TECRL: variants seen among roughly 807,000 people sequenced by gnomAD.
The protein encoded by TECRL is trans-2,3-enoyl-CoA reductase like, also known as trans-2,3-enoyl-CoA reductase-like.
Under a neutral mutation model 52.8 loss-of-function variants are expected in TECRL, and 63 were observed. The ratio of observed to expected loss-of-function variants is 1.19; its 90% CI spans 0.97 to 1.47. The LOEUF is 1.47. TECRL is among the 40% of genes most tolerant of loss of function. The pLI, the probability that TECRL is intolerant of heterozygous loss-of-function variation, is 0.00. For missense variants in TECRL, 482 were observed against 429.6 expected, an observed-to-expected ratio of 1.12 and a Z score of -1.08; for synonymous variants, 164 against 141.9, an observed-to-expected ratio of 1.16 and a Z score of -1.10.
intron 2 of TECRL, among the ~76,000 whole-genome samples, chr4:64,344,574 T>G (rs1719816867): frequency 1.3e-5 from 2 of 152,202 alleles, no homozygotes; most frequent in Admixed American, 6.5e-5. Context: ...TGGTGAATGT[T>G]GAAAATGGTG....
At chr4:64,323,935 G>T (rs184852905) in intron 3 of TECRL, among the ~76,000 whole-genome samples, 1 of 152,126 alleles carries the variant, frequency 6.6e-6, no homozygotes, top group Non-Finnish European at 1.5e-5. Context: ...CTGACAAATA[G>T]GCAGCAGGGT....
At chr4:64,318,653 A>C (rs1372350786) in intron 4 of TECRL, among the ~76,000 whole-genome samples, 1 of 152,072 alleles carries the variant, frequency 6.6e-6, no homozygotes, top group Non-Finnish European at 1.5e-5. Context: ...GGAATTCAGA[A>C]ATTAAAAAAA....
intron 6 of TECRL, among the ~76,000 whole-genome samples, chr4:64,307,213 C>T (rs1577841232): frequency 2.6e-5 from 4 of 152,008 alleles, no homozygotes; most frequent in Admixed American, 2.6e-4. Flanking sequence ...TTAAGGACAC[C>T]CCCCCTTCAT....
At chr4:64,368,859 G>A (rs1721794889) in intron 2 of TECRL, among the ~76,000 whole-genome samples, 1 of 152,082 alleles carries the variant, frequency 6.6e-6, no homozygotes, top group African/African-American at 2.4e-5. Context: ...TCCTGAGTTA[G>A]TTACTATCCT....
chr4:64,340,853 C>T (rs939862722), intron 2 of TECRL, among the ~76,000 whole-genome samples: 1 of 152,152 alleles, frequency 6.6e-6, no homozygotes, highest in Non-Finnish European at 1.5e-5. Context: ...AATCAGAGTA[C>T]ACTTCCTTCC....
chr4:64,363,542 C>A (rs950752297), intron 2 of TECRL, among the ~76,000 whole-genome samples: 1 of 152,108 alleles, frequency 6.6e-6, no homozygotes, highest in Non-Finnish European at 1.5e-5. Context: ...TTGGCTGGAA[C>A]AGGAACTCAC....
At chr4:64,384,851 T>C (rs992472950) in intron 1 of TECRL, among the ~76,000 whole-genome samples, 1 of 152,126 alleles carries the variant, frequency 6.6e-6, no homozygotes, top group Non-Finnish European at 1.5e-5. Context: ...GCACAGACAC[T>C]GGAAAAGGTG....
intron 6 of TECRL, among the ~76,000 whole-genome samples, chr4:64,309,208 T>G (rs924509989): frequency 2.0e-5 from 3 of 152,152 alleles, no homozygotes; most frequent in Non-Finnish European, 4.4e-5. Context: ...AAAGCAGATA[T>G]TTGACAAAAA....
At chr4:64,283,115 GA>G (rs1722912883) in intron 9 of TECRL, among the ~76,000 whole-genome samples, 1 of 151,972 alleles carries the variant, frequency 6.6e-6, no homozygotes, top group South Asian at 2.1e-4. Flanking sequence ...GATCAATATT[GA>G]AAATTGATTA....
At position 64,375,161 on chromosome 4, in the gene TECRL, A is replaced by G. The variant is rs1475167847; in HGVS notation, c.286+11T>C. ...TTATGATGTAAATTCTAAATAATAT[A>G]TAAAACTTACATGCTTTGTGAAACT... On this transcript the variant is annotated intron_variant, in intron 2 of 11. Coordinates refer to ENST00000381210, the MANE Select transcript of TECRL (RefSeq NM_001010874.5). The G allele has an allele frequency of 7.7e-6, 10 of 1,297,696 alleles. No homozygotes were observed. The highest frequency in any genetic ancestry group is 1.0e-5 in the Non-Finnish European group (10 of 970,712). The allele number at this position is 1,297,696 out of a possible 1,614,324, so 80.4% of individuals were successfully genotyped here.
At chr4:64,290,619 C>G (rs1723327798) in intron 8 of TECRL, among the ~76,000 whole-genome samples, 2 of 151,990 alleles carry the variant, frequency 1.3e-5, no homozygotes, top group Admixed American at 1.3e-4. Flanking sequence ...TTCTTTTCAA[C>G]CATTTCTGTA....
chr4:64,407,231 A>C (rs1724794626), intron 1 of TECRL, among the ~76,000 whole-genome samples: 1 of 152,086 alleles, frequency 6.6e-6, no homozygotes, highest in Admixed American at 6.6e-5. Context: ...TAGCCTGCTA[A>C]GTTTCTATAA....
intron 2 of TECRL, among the ~76,000 whole-genome samples, chr4:64,369,334 T>C (rs1721829317): frequency 6.6e-6 from 1 of 152,172 alleles, no homozygotes; most frequent in Non-Finnish European, 1.5e-5. Flanking sequence ...TTGTTTTTAT[T>C]AATAATTTAG....
chr4:64,391,385 A>G (rs573841914), intron 1 of TECRL, among the ~76,000 whole-genome samples: 169 of 151,958 alleles, frequency 1.1e-3, no homozygotes, highest in African/African-American at 4.0e-3. Flanking sequence ...AGACTTACAC[A>G]TACAACTGGA....
chr4:64,281,565 T>G lies in TECRL; in HGVS notation c.833-6A>C, dbSNP rs1422473397. ...TGGGAAACAGGCATTGTTTCCTTTTTCAAAGGAAAGTAAAATGTCAATGAT... is the reference window on the plus strand; with the variant it reads ...TGGGAAACAGGCATTGTTTCCTTTTGCAAAGGAAAGTAAAATGTCAATGAT... On this transcript the variant is annotated splice_region_variant and splice_polypyrimidine_tract_variant and intron_variant, in intron 9 of 11. Transcript: ENST00000381210. The G allele has an allele frequency of 6.5e-7, 1 of 1,542,452 alleles. No individual in the cohort carries two copies. Among genetic ancestry groups the G allele is most frequent in the South Asian group, 1.1e-5 (1 of 88,022 alleles).
intron 2 of TECRL, among the ~76,000 whole-genome samples, chr4:64,334,465 G>C (rs1220460160): frequency 3.3e-5 from 5 of 152,102 alleles, no homozygotes; most frequent in African/African-American, 1.2e-4. Flanking sequence ...GTATGATAGT[G>C]TTTATCTATC....
At chr4:64,328,362 T>C (rs1283072017) in intron 3 of TECRL, 150 bp downstream of exon 3, 2 of 576,448 alleles carry the variant, frequency 3.5e-6, no homozygotes, top group African/African-American at 3.9e-5. Flanking sequence ...AAATTATTCA[T>C]TTATAAAAGT....
At chr4:64,313,977 C>CAAAAAAAAAAAAA (rs752037972) in intron 5 of TECRL, among the ~76,000 whole-genome samples, 1 of 61,950 alleles carries the variant, frequency 1.6e-5, no homozygotes, top group African/African-American at 5.0e-5. Flanking sequence ...ACTAAAAATA[C>CAAAAAAAAAAAAA]AAAAAAAAAA....
intron 1 of TECRL, among the ~76,000 whole-genome samples, chr4:64,388,805 AT>A (rs1190899192): frequency 6.6e-6 from 1 of 151,830 alleles, no homozygotes; most frequent in African/African-American, 2.4e-5. Flanking sequence ...ATAAATACAA[AT>A]AAATAAATAT....
Sources: allele counts gnomAD v4.1 joint callset (sites outside exome capture counted in the v4.1 genomes callset), GRCh38; gene constraint gnomAD v4.1.1; transcripts MANE v1.5; gene names NCBI Gene and HGNC (gene_info 2026-07-23, HGNC 2026-07-21).